Variants in PPFIA2 observed in about 807,000 individuals in gnomAD.
PPFIA2 encodes PPFI scaffold protein A2, also known as liprin-alpha-2.
A neutral mutation model predicts 175.5 loss-of-function variants in PPFIA2; 46 were observed. The observed-to-expected ratio is 0.26, with a 90% confidence interval of 0.21 to 0.34. The LOEUF (loss-of-function observed/expected upper bound fraction) is 0.34, where lower values mean the gene tolerates loss of function less well. Among genes scored for constraint, PPFIA2 ranks in the 10% least tolerant of loss-of-function variants. The pLI is 1.00. For missense variants in PPFIA2, 1,179 were observed against 1,506.1 expected (o/e 0.78, Z 3.60); for synonymous variants, 568 against 511.4 (o/e 1.11, Z -1.49).
intron 22 of PPFIA2, among the ~76,000 whole-genome samples, chr12:81,310,693 G>T (rs2050551522): frequency 6.6e-6 from 1 of 151,982 alleles, no homozygotes; most frequent in Non-Finnish European, 1.5e-5. Flanking sequence ...ATATTCATTT[G>T]GCCAACATGG....
intron 4 of PPFIA2, among the ~76,000 whole-genome samples, chr12:81,533,299 G>T (rs1038494037): frequency 2.0e-5 from 3 of 151,564 alleles, no homozygotes; most frequent in African/African-American, 7.3e-5. Context: ...ATTCTATAAA[G>T]GTACTCACAT....
chr12:81,275,926 A>G (rs534154761), intron 28 of PPFIA2, among the ~76,000 whole-genome samples: 1 of 151,930 alleles, frequency 6.6e-6, no homozygotes, highest in East Asian at 1.9e-4. Context: ...CTGGGACTAC[A>G]GGCGCCTGCC....
Position 81,467,540 on chromosome 12 carries a change from A to G in PPFIA2, c.304-9674T>C, listed in dbSNP as rs78611011. Among the ~76,000 whole-genome samples, 278 of 152,266 alleles carry G rather than the reference A, an allele frequency of 1.8e-3. 3 individuals carry two copies. The South Asian group carries it at 0.02, about 11-fold the overall frequency. Reference sequence around the variant, plus strand: ...CCTGTCTCCAATAAAATACAAAAAAATTAAAAATATCCCTCAGTATCTATG... The same window carrying G: ...CCTGTCTCCAATAAAATACAAAAAAGTTAAAAATATCCCTCAGTATCTATG... On this transcript the variant is annotated intron_variant, in intron 4 of 32. Coordinates refer to ENST00000549396, the MANE Select transcript of PPFIA2 (RefSeq NM_003625.5).
At position 81,688,802 on chromosome 12, in the gene PPFIA2, A is replaced by AATATATATATATAT. The variant is rs3075480; in HGVS notation, c.250-11972_250-11959dup. Among the ~76,000 whole-genome samples the AATATATATATATAT allele has an allele frequency of 9.4e-3, 1,323 of 140,674 alleles. 13 individuals are homozygous for AATATATATATATAT. Among genetic ancestry groups the AATATATATATATAT allele is most frequent in the Middle Eastern group, 0.066 (18 of 272 alleles). 92.3% of individuals were successfully genotyped at this position (140,674 alleles called of 152,430 possible). A position where few individuals can be genotyped will look rare whatever the true frequency, so the allele number is the denominator to read the frequency against. ...CAAAAACAGGGCAAGTGGTTTATTAAATATATATATATATATATATATCTG... is the reference window on the plus strand; with the variant it reads ...CAAAAACAGGGCAAGTGGTTTATTAAATATATATATATATATATATATATATATATATATATCTG... On this transcript the variant is annotated intron_variant, in intron 3 of 32. Coordinates refer to ENST00000549396, the MANE Select transcript of PPFIA2 (RefSeq NM_003625.5).
Position 81,449,507 on chromosome 12 carries a change from A to C in PPFIA2, c.406-3787T>G, listed in dbSNP as rs547952655. On this transcript the variant is annotated intron_variant, in intron 5 of 32. Coordinates refer to ENST00000549396, the MANE Select transcript of PPFIA2 (RefSeq NM_003625.5). ...TTCAGACAAAAAAAAAAAAACAAAA[A>C]AAAATCTGATTTTACAGTGAAAAGA... Among the ~76,000 whole-genome samples the C allele has an allele frequency of 6.8e-4, 103 of 152,130 alleles. 1 individual carries two copies. The highest frequency in any genetic ancestry group is 2.5e-3 in the African/African-American group (103 of 41,508).
intron 7 of PPFIA2, chr12:81,417,214 C>G (rs1051047764): frequency 6.6e-6 from 1 of 151,664 alleles, no homozygotes; most frequent in African/African-American, 2.4e-5. Flanking sequence ...CACTATAATT[C>G]CATCAATTTG....
chr12:81,698,719 C>G (rs898283000), intron 3 of PPFIA2, among the ~76,000 whole-genome samples: 21 of 151,930 alleles, frequency 1.4e-4, no homozygotes, highest in African/African-American at 4.8e-4. Flanking sequence ...GTATGAGATG[C>G]ACAGTTTAGA....
At chr12:81,339,464 T>G in intron 20 of PPFIA2, 130 bp from the exon 21 acceptor site, 2 of 774,944 alleles carry the variant, frequency 2.6e-6, no homozygotes, top group African/African-American at 1.8e-5. Flanking sequence ...TTTCCCATGT[T>G]TCCTTTTAAG....
chr12:81,371,353 A>G (rs910382560), intron 11 of PPFIA2, among the ~76,000 whole-genome samples: 8 of 134,778 alleles, frequency 5.9e-5, no homozygotes, highest in Non-Finnish European at 1.1e-4. Context: ...TTGAAATTAT[A>G]TAATCTAAAT....
intron 24 of PPFIA2, chr12:81,294,439 T>TAGGTAGGAAGGA (rs2045914779): frequency 2.6e-5 from 3 of 116,646 alleles, no homozygotes; most frequent in Non-Finnish European, 1.6e-5. Context: ...GGAAGGTAGG[T>TAGGTAGGAAGGA]AGGAAGGAAG....
At chr12:81,552,364 C>T (rs192086772) in intron 4 of PPFIA2, among the ~76,000 whole-genome samples, 4 of 148,972 alleles carry the variant, frequency 2.7e-5, no homozygotes, top group Admixed American at 2.0e-4. Context: ...GTAATATACA[C>T]ATTTTTTTTT....
intron 4 of PPFIA2, chr12:81,546,101 G>T (rs180991894): frequency 4.5e-5 from 6 of 133,084 alleles, no homozygotes; most frequent in African/African-American, 1.8e-4. Flanking sequence ...TCCAGCCTGG[G>T]CAACAGAGTG....
chr12:81,575,185 T>C (rs1250949158), intron 4 of PPFIA2, among the ~76,000 whole-genome samples: 1 of 151,840 alleles, frequency 6.6e-6, no homozygotes, highest in East Asian at 1.9e-4. Flanking sequence ...TCATTACTTT[T>C]CAATATCCCC....
intron 8 of PPFIA2, among the ~76,000 whole-genome samples, chr12:81,390,733 T>C (rs901931576): frequency 1.4e-4 from 21 of 152,016 alleles, no homozygotes; most frequent in African/African-American, 4.8e-4. Context: ...AGACCATCTT[T>C]TCACTTTCTT....
At chr12:81,372,759 T>C (rs2035483018) in intron 11 of PPFIA2, among the ~76,000 whole-genome samples, 1 of 151,640 alleles carries the variant, frequency 6.6e-6, no homozygotes. Flanking sequence ...TTAAAATATG[T>C]TGTTGACAAA....
chr12:81,488,519 T>C (rs1468967909), intron 4 of PPFIA2, among the ~76,000 whole-genome samples: 1 of 151,752 alleles, frequency 6.6e-6, no homozygotes, highest in Non-Finnish European at 1.5e-5. Context: ...TGGCACCTGA[T>C]ACTATCTGAG....
intron 4 of PPFIA2, among the ~76,000 whole-genome samples, chr12:81,509,702 C>G (rs2061568365): frequency 6.6e-6 from 1 of 151,672 alleles, no homozygotes; most frequent in Admixed American, 6.6e-5. Flanking sequence ...CTACTCACTT[C>G]TACAACCATA....
chr12:81,524,789 T>A (rs1345305499), intron 4 of PPFIA2, among the ~76,000 whole-genome samples: 3 of 152,156 alleles, frequency 2.0e-5, no homozygotes, highest in Non-Finnish European at 4.4e-5. Flanking sequence ...TCTAAATATA[T>A]CCCCTTAAAA....
intron 7 of PPFIA2, among the ~76,000 whole-genome samples, chr12:81,418,532 G>A (rs1247767196): frequency 6.6e-6 from 1 of 151,824 alleles, no homozygotes; most frequent in Non-Finnish European, 1.5e-5. Flanking sequence ...AATTTTAATT[G>A]GAAAATGGCC....
Sources: allele counts gnomAD v4.1 joint callset (sites outside exome capture counted in the v4.1 genomes callset), GRCh38; gene constraint gnomAD v4.1.1; transcripts MANE v1.5; gene names NCBI Gene and HGNC (gene_info 2026-07-23, HGNC 2026-07-21).